DSN1: variants seen among roughly 807,000 people sequenced by gnomAD.
DSN1 encodes the protein DSN1 component of MIS12 kinetochore complex, also known as kinetochore-associated protein DSN1 homolog.
Under a neutral mutation model 45.7 loss-of-function variants are expected in DSN1, and 31 were observed. The observed-to-expected ratio is 0.68, with a 90% CI of 0.51 to 0.92. DSN1 has a LOEUF of 0.92. Ranked by LOEUF, DSN1 falls within the 40% of genes least tolerant of loss-of-function variation. The probability of loss-of-function intolerance (pLI) is 0.00; values close to 1 mark genes in which losing one functional copy is unlikely to be tolerated. For missense variants in DSN1, 394 were observed against 414.2 expected, an observed-to-expected ratio of 0.95 and a Z score of 0.42; for synonymous variants, 134 against 142.3, an observed-to-expected ratio of 0.94 and a Z score of 0.41.
In DSN1 at chr20:36,762,527, A is replaced by C. The variant is rs1319902229; in HGVS notation, c.524T>G (p.Leu175Trp). The stretch of plus-strand genomic sequence containing the variant: ...TTCCAGTCCGTCTGCAAAATGTTTC[A>C]ATTCTTCAGAAAGAGAAGATGCTAG... Reference protein sequence around the residue: ...RAKASSLSEELKHFADGLETD... With the variant: ...RAKASSLSEEWKHFADGLETD... The change falls in exon 6 of 11, where the codon TTG (leucine) becomes TGG (tryptophan). Residue 175 changes from leucine (L) to tryptophan (W), a missense_variant. Leu to Trp is a moderately conservative substitution (Grantham distance 61). Coordinates refer to ENST00000373750, the MANE Select transcript of DSN1 (RefSeq NM_001145315.2). 1 of 1,613,666 alleles carries C rather than the reference A, an allele frequency of 6.2e-7. No individual in the cohort carries two copies. The highest frequency in any genetic ancestry group is 8.5e-7 in the Non-Finnish European group (1 of 1,179,850).
intron 2 of DSN1, 112 bp downstream of exon 2, chr20:36,771,313 T>C (rs1478027469): frequency 6.8e-7 from 1 of 1,479,774 alleles, no homozygotes; most frequent in Non-Finnish European, 9.2e-7. Flanking sequence ...AAAGCATCTC[T>C]GCAAATAATG....
Position 36,752,689 on chromosome 20 carries a change from T to C in DSN1, c.*99A>G. ...TCTACAGTCAGTCCTGCCAGTTATC[T>C]TCAAAGGCAACGAGCAGAAATCACG... On this transcript the variant is annotated 3_prime_UTR_variant, in exon 11 of 11. Transcript: ENST00000373750. 3 of 977,274 alleles carry C rather than the reference T, an allele frequency of 3.1e-6. No individual in the cohort carries two copies. Among genetic ancestry groups the C allele is most frequent in the South Asian group, 2.8e-5 (2 of 71,238 alleles). 60.5% of individuals were successfully genotyped at this position (977,274 alleles called of 1,614,324 possible).
Position 36,754,814 on chromosome 20 carries a change from C to A in DSN1, c.910G>T (p.Ala304Ser). ...CACTGGGTACTTTCATCCATAAAGG[C>A]CTGCAGCTGTTTCACTGATCCTTGC... is the stretch of plus-strand genomic sequence containing the variant. ...ELQGSVKQLQ[A>S]FMDESTQCFQ... The change falls in exon 10 of 11, where the codon GCC becomes TCC. Residue 304 changes from alanine to serine, a missense_variant. Ala to Ser is a moderately conservative substitution (Grantham distance 99, BLOSUM62 1). Transcript: ENST00000373750. 1.9e-6 allele frequency: 3 copies of A among 1,613,916 alleles called. No individual in the cohort carries two copies. Among genetic ancestry groups the A allele is most frequent in the Non-Finnish European group, 1.7e-6 (2 of 1,179,886 alleles).
At chr20:36,757,441 T>TGTAGACAC in intron 8 of DSN1, among the ~76,000 whole-genome samples, 1 of 152,080 alleles carries the variant, frequency 6.6e-6, no homozygotes, top group Non-Finnish European at 1.5e-5. Context: ...TAGCCACGCA[T>TGTAGACAC]CATGGCAGAC....
chr20:36,754,909 A>G (rs1034500563), intron 9 of DSN1, 59 bp from the exon 10 acceptor site: 46 of 1,467,372 alleles, frequency 3.1e-5, no homozygotes, highest in Middle Eastern at 1.8e-4. Context: ...ATGTTCCTCA[A>G]ACCTGACAAG....
intron 3 of DSN1, among the ~76,000 whole-genome samples, chr20:36,768,912 T>C (rs1167149960): frequency 1.3e-5 from 2 of 152,208 alleles, no homozygotes. Context: ...CTCTCTATAA[T>C]GACCTCATAA....
chr20:36,759,693 C>T (rs1272144054), intron 6 of DSN1, among the ~76,000 whole-genome samples: 1 of 151,734 alleles, frequency 6.6e-6, no homozygotes, highest in Non-Finnish European at 1.5e-5. Context: ...CTGTGTTAGC[C>T]AGGATGGTTT....
rs1986419076 is a variant in DSN1 at position 36,752,252 on chromosome 20, C to T, written c.*536G>A. On this transcript the variant is annotated 3_prime_UTR_variant, in exon 11 of 11. Transcript: ENST00000373750. ...TGTATTTTTTGTAGACAGGGTTTCACCTTATTTCTCAGGCTGGTCTTCAAC... is the reference window on the plus strand; with the variant it reads ...TGTATTTTTTGTAGACAGGGTTTCATCTTATTTCTCAGGCTGGTCTTCAAC... The T allele has an allele frequency of 6.6e-6, 1 of 152,298 alleles. No homozygotes were observed. Among genetic ancestry groups the T allele is most frequent in the South Asian group, 2.1e-4 (1 of 4,826 alleles). 9.4% of individuals were successfully genotyped at this position (152,298 alleles called of 1,614,324 possible).
Position 36,752,704 on chromosome 20 carries a change from C to G in DSN1, c.*84G>C. ...GCCAGTTATCTTCAAAGGCAACGAG[C>G]AGAAATCACGCAGTCACCACGTGCT... On this transcript the variant is annotated 3_prime_UTR_variant, in exon 11 of 11. Coordinates refer to ENST00000373750, the MANE Select transcript of DSN1 (RefSeq NM_001145315.2). 1 of 1,113,204 alleles carries G rather than the reference C, an allele frequency of 9.0e-7. No homozygotes were observed. Among genetic ancestry groups the G allele is most frequent in the Non-Finnish European group, 1.4e-6 (1 of 737,240 alleles). 69.0% of individuals were successfully genotyped at this position (1,113,204 alleles called of 1,614,324 possible).
At chr20:36,766,965 C>A in intron 4 of DSN1, 124 bp from the exon 5 acceptor site, 5 of 576,378 alleles carry the variant, frequency 8.7e-6, no homozygotes, top group South Asian at 2.6e-5. Flanking sequence ...AATTTTTACA[C>A]ATAAGACTTT....
At chr20:36,762,251 C>T (rs1009117259) in intron 6 of DSN1, among the ~76,000 whole-genome samples, 29 of 151,422 alleles carry the variant, frequency 1.9e-4, no homozygotes, top group African/African-American at 6.5e-4. Flanking sequence ...GGACTACAGG[C>T]GCCTGCCACC....
chr20:36,758,275 G>T, intron 7 of DSN1, 114 bp from the exon 8 acceptor site: 1 of 1,015,000 alleles, frequency 9.9e-7, no homozygotes, highest in Non-Finnish European at 1.5e-6. Context: ...TGAGTTGACA[G>T]GTCATTACAG....
At position 36,766,824 on chromosome 20, in the gene DSN1, A is replaced by G. The variant is rs754546478; in HGVS notation, c.447T>C (p.Leu149=). 1 of 1,606,676 alleles carries G rather than the reference A, an allele frequency of 6.2e-7. No homozygotes were observed. The highest frequency in any genetic ancestry group is 8.5e-7 in the Non-Finnish European group (1 of 1,178,362). ...CCTTAGTGTCCCTTAGGAAAGGTTC[A>G]AGTTTCTGAATAGAGAACTAAATAA... The part of the protein sequence containing the change: ...LSSFQFSIQK[L]EPFLRDTKGF... Residue 149 remains leucine (L), a synonymous_variant, in exon 5 of 11, where the codon CTT becomes CTC. Coordinates refer to ENST00000373750, the MANE Select transcript of DSN1 (RefSeq NM_001145315.2).
chr20:36,760,247 A>T, intron 6 of DSN1, among the ~76,000 whole-genome samples: 1 of 152,012 alleles, frequency 6.6e-6, no homozygotes, highest in East Asian at 1.9e-4. Flanking sequence ...CTGCCTCAAA[A>T]AAAAACAAAA....
At chr20:36,762,306 T>A (rs1987038043) in intron 6 of DSN1, among the ~76,000 whole-genome samples, 155 bp downstream of exon 6, 1 of 151,912 alleles carries the variant, frequency 6.6e-6, no homozygotes, top group South Asian at 2.1e-4. Flanking sequence ...GAGATGGGGT[T>A]TCACCGTGTT....
At chr20:36,765,852 A>AG (rs1987298859) in intron 5 of DSN1, among the ~76,000 whole-genome samples, 1 of 151,402 alleles carries the variant, frequency 6.6e-6, no homozygotes, top group East Asian at 1.9e-4. Flanking sequence ...AGACTAAAAA[A>AG]AAAAAAAAAA....
chr20:36,761,953 A>G (rs1019092542), intron 6 of DSN1, among the ~76,000 whole-genome samples: 2 of 151,784 alleles, frequency 1.3e-5, no homozygotes, highest in African/African-American at 4.8e-5. Flanking sequence ...AGGTTGCAGT[A>G]AGCCAAGATT....
At position 36,768,097 on chromosome 20, in the gene DSN1, T is replaced by C. The variant is rs1430028359; in HGVS notation, c.356-55A>G. 5.1e-6 allele frequency: 8 copies of C among 1,555,742 alleles called. No individual in the cohort carries two copies. In the East Asian group the frequency reaches 1.8e-4, roughly 35 times the overall value. ...GCTGGATAGTTACATAGTTAGCAAC[T>C]AACAAAACTGAAAAATGTCCTCCCT... On this transcript the variant is annotated intron_variant, in intron 3 of 10. Transcript: ENST00000373750.
At chr20:36,758,871 G>C (rs185457670) in intron 6 of DSN1, among the ~76,000 whole-genome samples, 20 of 152,134 alleles carry the variant, frequency 1.3e-4, no homozygotes, top group Admixed American at 1.2e-3. Flanking sequence ...ATTTTCAGTA[G>C]AGGTGGGGTT....
Sources: allele counts gnomAD v4.1 joint callset (sites outside exome capture counted in the v4.1 genomes callset), GRCh38; gene constraint gnomAD v4.1.1; transcripts MANE v1.5; gene names NCBI Gene and HGNC (gene_info 2026-07-23, HGNC 2026-07-21).